Variants in GRAP2 observed in about 807,000 individuals in gnomAD.
GRAP2 encodes GRB2 related adaptor protein 2.
A neutral mutation model predicts 43.5 loss-of-function variants in GRAP2; 31 were observed. The observed-to-expected ratio is 0.71, with a 90% CI of 0.54 to 0.96. The LOEUF is 0.96. Ranked by LOEUF, GRAP2 falls within the 40% of genes least tolerant of loss-of-function variation. GRAP2 has a pLI of 0.00. For synonymous variants in GRAP2, 156 were observed against 164.8 expected (o/e 0.95, Z 0.41); for missense variants, 371 against 424.4 (o/e 0.87, Z 1.11).
intron 5 of GRAP2, among the ~76,000 whole-genome samples, chr22:39,966,704 T>C (rs1163798078): frequency 6.6e-6 from 1 of 152,202 alleles, no homozygotes; most frequent in Non-Finnish European, 1.5e-5. Flanking sequence ...TTATTGCTGT[T>C]GCAACTGTTT....
Position 39,968,204 on chromosome 22 carries a change from GC to G in GRAP2, c.626del (p.Pro209GlnfsTer31). 1.2e-6 allele frequency: 2 copies of G among 1,605,424 alleles called. No homozygotes were observed. The highest frequency in any genetic ancestry group is 1.7e-6 in the Non-Finnish European group (2 of 1,172,828). On this transcript the variant is annotated frameshift_variant, in exon 6 of 8. Coordinates refer to ENST00000344138, the MANE Select transcript of GRAP2 (RefSeq NM_004810.4). LOFTEE classifies it high-confidence loss of function. The part of the protein sequence containing the change: ...HQHQPQPPQY[A>X]PAPQQLQQPP... The stretch of plus-strand genomic sequence containing the variant: ...GCACCAGCCACAGCCTCCGCAATAT[GC>G]CCCAGCGCCCCAGCAGCTGCAGCAG...
chr22:39,964,833 C>T, intron 4 of GRAP2: 2 of 329,794 alleles, frequency 6.1e-6, no homozygotes, highest in Non-Finnish European at 1.1e-5. Context: ...TTGCCAGAAT[C>T]TGCTCTTTGG....
intron 1 of GRAP2, among the ~76,000 whole-genome samples, chr22:39,937,456 T>C (rs191314882): frequency 6.6e-6 from 1 of 152,166 alleles, no homozygotes; most frequent in African/African-American, 2.4e-5. Context: ...CCACAGGCAA[T>C]AGGGAGAAGC....
intron 5 of GRAP2, among the ~76,000 whole-genome samples, chr22:39,967,000 A>G (rs1601744240): frequency 1.6e-5 from 2 of 123,680 alleles, no homozygotes; most frequent in South Asian, 5.2e-4. Context: ...ACACACTCAC[A>G]CACACACACA....
chr22:39,945,052 G>A (rs2066908045), intron 1 of GRAP2, among the ~76,000 whole-genome samples: 1 of 152,202 alleles, frequency 6.6e-6, no homozygotes, highest in Admixed American at 6.5e-5. Flanking sequence ...AGCCTTGTGT[G>A]TTAAAATGAT....
intron 1 of GRAP2, among the ~76,000 whole-genome samples, chr22:39,944,631 G>A (rs779859456): frequency 5.3e-5 from 8 of 152,246 alleles, no homozygotes; most frequent in Non-Finnish European, 7.4e-5. Context: ...ACCTCCTGGG[G>A]GAAGGCAGAG....
intron 4 of GRAP2, 37 bp downstream of exon 4, chr22:39,960,211 G>T (rs377539044): frequency 6.2e-6 from 10 of 1,601,624 alleles, no homozygotes; most frequent in East Asian, 2.2e-5. Flanking sequence ...GGCCCTTCTC[G>T]GCCTGTTAAC....
At position 39,968,118 on chromosome 22, in the gene GRAP2, G is replaced by C; in HGVS notation, c.536G>C (p.Arg179Pro). The C allele has an allele frequency of 1.2e-6, 2 of 1,608,540 alleles. No individual in the cohort carries two copies. The highest frequency in any genetic ancestry group is 2.2e-5 in the East Asian group (1 of 44,650). The change falls in exon 6 of 8, where the codon CGA becomes CCA. Residue 179 changes from arginine to proline, a missense_variant. By Grantham distance (103) the Arg-to-Pro change is moderately radical. Coordinates refer to ENST00000344138, the MANE Select transcript of GRAP2 (RefSeq NM_004810.4). Reference protein sequence around the residue: ...HLSGAVGEEIRPSMNRKLSDH... With the variant: ...HLSGAVGEEIPPSMNRKLSDH... Reference sequence around the variant, plus strand: ...AGTGGGGCTGTGGGAGAAGAAATCCGACCTTCGATGAACCGGAAGCTGTCG... The same window carrying C: ...AGTGGGGCTGTGGGAGAAGAAATCCCACCTTCGATGAACCGGAAGCTGTCG...
chr22:39,931,008 G>T (rs1419430258), intron 1 of GRAP2, among the ~76,000 whole-genome samples: 1 of 152,136 alleles, frequency 6.6e-6, no homozygotes, highest in Admixed American at 6.5e-5. Context: ...TTGAGGTGTG[G>T]TTCCTTTATC....
chr22:39,969,298 A>G (rs879391439), intron 6 of GRAP2, 113 bp from the exon 7 acceptor site: 21 of 1,173,928 alleles, frequency 1.8e-5, no homozygotes, highest in Non-Finnish European at 2.4e-5. Context: ...CATTATCAGT[A>G]AGTATTCCTG....
At chr22:39,957,782 A>T (rs576652189) in intron 3 of GRAP2, among the ~76,000 whole-genome samples, 5 of 152,032 alleles carry the variant, frequency 3.3e-5, no homozygotes, top group Admixed American at 2.0e-4. Flanking sequence ...AAAAATTTTT[A>T]AAAATTAGCT....
At chr22:39,945,137 G>A (rs1011216047) in intron 1 of GRAP2, among the ~76,000 whole-genome samples, 3 of 152,220 alleles carry the variant, frequency 2.0e-5, no homozygotes, top group Non-Finnish European at 2.9e-5. Flanking sequence ...TGAGTGGGTC[G>A]TCCTAGGTCA....
intron 1 of GRAP2, among the ~76,000 whole-genome samples, chr22:39,946,651 T>C (rs776897809): frequency 4.6e-5 from 7 of 152,180 alleles, no homozygotes; most frequent in Non-Finnish European, 1.0e-4. Context: ...ATGGCATCCG[T>C]CTAATTAACA....
rs115416181 is a variant in GRAP2, at chr22:39,931,165, C to T, written c.-14-15928C>T. 9.5e-4 allele frequency among the ~76,000 whole-genome samples: 144 copies of T among 152,218 alleles called. 1 individual carries two copies. Among genetic ancestry groups the T allele is most frequent in the African/African-American group, 3.3e-3 (135 of 41,518 alleles). ...TGGGGCACAGGAAATGTTTGTTGAACGAATACACAAAGCATATGGATACTC... is the reference window on the plus strand; with the variant it reads ...TGGGGCACAGGAAATGTTTGTTGAATGAATACACAAAGCATATGGATACTC... On this transcript the variant is annotated intron_variant, in intron 1 of 7. Coordinates refer to ENST00000344138, the MANE Select transcript of GRAP2 (RefSeq NM_004810.4).
chr22:39,932,563 A>G (rs918857189), intron 1 of GRAP2, among the ~76,000 whole-genome samples: 1 of 150,712 alleles, frequency 6.6e-6, no homozygotes. Context: ...AAAAAAAAAA[A>G]AAAAAAAAGC....
chr22:39,946,544 A>G (rs2145635499), intron 1 of GRAP2, among the ~76,000 whole-genome samples: 1 of 152,330 alleles, frequency 6.6e-6, no homozygotes, highest in South Asian at 2.1e-4. Context: ...GAAGACCAAG[A>G]ACTTCTTTCT....
At chr22:39,894,674 C>T in the GRAP2 span, among the ~76,000 whole-genome samples, 1 of 152,146 alleles carries the variant, frequency 6.6e-6, no homozygotes, top group African/African-American at 2.4e-5. Context: ...GCTTCAGGTG[C>T]CACTGACGGG....
intron 1 of GRAP2, among the ~76,000 whole-genome samples, chr22:39,906,613 G>T (rs951727970): frequency 6.6e-6 from 1 of 152,070 alleles, no homozygotes. Context: ...TTGCCAAATT[G>T]GTTCTGCCTT....
chr22:39,969,644 TG>T (rs2067217783), intron 7 of GRAP2, 111 bp downstream of exon 7: 1 of 1,187,042 alleles, frequency 8.4e-7, no homozygotes, highest in South Asian at 1.4e-5. Context: ...CTGGGCACGG[TG>T]GCTCACACCT....
Sources: gnomAD v4.1 joint callset for allele counts (sites outside exome capture counted in the v4.1 genomes callset) on GRCh38, gnomAD v4.1.1 for gene constraint, MANE v1.5 for transcripts, NCBI Gene and HGNC (gene_info 2026-07-23, HGNC 2026-07-21) for gene names.